Variants in MMP26 observed in about 807,000 individuals in gnomAD.
The protein encoded by MMP26 is matrix metalloproteinase-26.
In MMP26, 33 loss-of-function variants were observed where a neutral mutation model predicts 31.0. The observed-to-expected ratio is 1.06, with a 90% CI of 0.81 to 1.42. MMP26 has a LOEUF of 1.42. MMP26 is among the 40% of genes most tolerant of loss of function. The pLI, the probability that MMP26 is intolerant of heterozygous loss-of-function variation, is 0.00. For synonymous variants in MMP26, 122 were observed against 114.9 expected (o/e 1.06, Z -0.40); for missense variants, 347 against 316.1 (o/e 1.10, Z -0.74).
chr11:4,858,686 T>C (rs1251698127), intron 2 of MMP26, among the ~76,000 whole-genome samples: 2 of 152,222 alleles, frequency 1.3e-5, no homozygotes, highest in East Asian at 1.9e-4. Flanking sequence ...CCCATCAAGC[T>C]ACCAATGGCT....
rs1363498189 is a variant in MMP26 at position 4,954,062 on chromosome 11, T to A, written c.-144-34006T>A. On this transcript the variant is annotated intron_variant, in intron 2 of 7. Transcript: ENST00000380390. ...GAGCAAGATTTCGTCTCAAAAAAAA[T>A]TTCTTTATTGATTTAATTGTATTTC... is the stretch of plus-strand genomic sequence containing the variant. Among the ~76,000 whole-genome samples the A allele has an allele frequency of 6.3e-5, 8 of 126,076 alleles. 2 individuals are homozygous for A. The highest frequency in any genetic ancestry group is 1.6e-4 in the African/African-American group (6 of 37,118). 82.7% of individuals were successfully genotyped at this position (126,076 alleles called of 152,430 possible).
intron 1 of MMP26, chr11:4,756,558 A>C (rs563893076): frequency 6.6e-6 from 1 of 152,112 alleles, no homozygotes; most frequent in Non-Finnish European, 1.5e-5. Context: ...AGCCGGTTTT[A>C]CAAAAAAATT....
intron 2 of MMP26, chr11:4,822,437 T>C: frequency 7.2e-7 from 1 of 1,393,364 alleles, no homozygotes; most frequent in Non-Finnish European, 9.3e-7. Flanking sequence ...AATGGAGTAA[T>C]TGTCCCAAAG....
intron 2 of MMP26, among the ~76,000 whole-genome samples, chr11:4,806,335 C>T (rs562228163): frequency 3.3e-5 from 5 of 151,812 alleles, no homozygotes; most frequent in East Asian, 1.9e-4. Flanking sequence ...TAAAGTCTCC[C>T]GTTATTATTG....
intron 2 of MMP26, chr11:4,832,829 G>A (rs1274178882): frequency 5.7e-6 from 1 of 174,832 alleles, no homozygotes; most frequent in Non-Finnish European, 1.3e-5. Flanking sequence ...CATCCCATGG[G>A]GAGTGCCTCG....
Position 4,992,066 on chromosome 11 carries a change from A to G in MMP26, c.698A>G (p.His233Arg). Residue 233 changes from histidine (H) to arginine (R), a missense_variant, in exon 7 of 8, where the codon CAC becomes CGC. Coordinates refer to ENST00000380390, the MANE Select transcript of MMP26 (RefSeq NM_021801.5). Reference sequence around the variant, plus strand: ...ATAATGTACCCCACTTACTGGTATCACGACCCTAGAACCTTCCAGCTCAGT... The same window carrying G: ...ATAATGTACCCCACTTACTGGTATCGCGACCCTAGAACCTTCCAGCTCAGT... ...SSIMYPTYWY[H>R]DPRTFQLSAD... 1 of 1,613,964 alleles carries G rather than the reference A, an allele frequency of 6.2e-7. No homozygotes were observed. The highest frequency in any genetic ancestry group is 8.5e-7 in the Non-Finnish European group (1 of 1,179,984).
At chr11:4,862,705 C>G (rs1850179967) in intron 2 of MMP26, among the ~76,000 whole-genome samples, 1 of 152,072 alleles carries the variant, frequency 6.6e-6, no homozygotes, top group South Asian at 2.1e-4. Context: ...CCTCCTGTTT[C>G]TCTGCTATAG....
At chr11:4,802,832 A>G (rs1849201895) in intron 2 of MMP26, among the ~76,000 whole-genome samples, 1 of 152,082 alleles carries the variant, frequency 6.6e-6, no homozygotes, top group Admixed American at 6.6e-5. Flanking sequence ...TATCTTGCTT[A>G]TTTGTCAAAT....
At position 4,848,617 on chromosome 11, in the gene MMP26, G is replaced by C. The variant is rs747194046; in HGVS notation, c.-145+81276G>C. The C allele has an allele frequency of 6.2e-6, 10 of 1,609,200 alleles. No homozygotes were observed. In the South Asian group the frequency reaches 6.7e-5, roughly 11 times the overall value. On this transcript the variant is annotated intron_variant, in intron 2 of 7. Transcript: ENST00000380390. ...CTGTAGGCTGCACCCCAAGCTTCTG[G>C]GCAGGCCAAACGAGCCACATCTGGA... is the stretch of plus-strand genomic sequence containing the variant.
chr11:4,862,302 T>A (rs1225919735), intron 2 of MMP26, among the ~76,000 whole-genome samples: 1 of 152,160 alleles, frequency 6.6e-6, no homozygotes, highest in Admixed American at 6.5e-5. Flanking sequence ...AACTTCCTGA[T>A]GTAAAGGACT....
At chr11:4,756,262 G>A (rs1482343327) in intron 1 of MMP26, among the ~76,000 whole-genome samples, 2 of 151,828 alleles carry the variant, frequency 1.3e-5, no homozygotes, top group Non-Finnish European at 2.9e-5. Context: ...GAAAAAATAC[G>A]GTGCAAATAA....
chr11:4,990,399 A>T (rs1846980036), intron 4 of MMP26, among the ~76,000 whole-genome samples, 199 bp from the exon 5 acceptor site: 1 of 152,206 alleles, frequency 6.6e-6, no homozygotes, highest in East Asian at 1.9e-4. Flanking sequence ...TATTGTTAAA[A>T]TTCTTAGAAA....
intron 1 of MMP26, chr11:4,710,130 A>G (rs1259633387): frequency 2.2e-6 from 1 of 456,774 alleles, no homozygotes; most frequent in South Asian, 1.5e-5. Flanking sequence ...TGATGCGATG[A>G]AGCTCTCATG....
intron 1 of MMP26, among the ~76,000 whole-genome samples, chr11:4,748,831 A>C (rs1848413464): frequency 6.6e-6 from 1 of 152,116 alleles, no homozygotes; most frequent in Non-Finnish European, 1.5e-5. Context: ...ACCTGCAGCC[A>C]ACATCATATT....
chr11:4,972,315 A>T lies in MMP26; in HGVS notation c.-144-15753A>T, dbSNP rs546758695. 1.1e-4 allele frequency among the ~76,000 whole-genome samples: 17 copies of T among 152,348 alleles called. No homozygotes were observed. In the East Asian group the frequency reaches 3.3e-3, roughly 29 times the overall value. Reference sequence around the variant, plus strand: ...GGTAGAGGAGATAGTCTTTGTCATTAGGTAGAATTCCCATTGAAATGTCAA... The same window carrying T: ...GGTAGAGGAGATAGTCTTTGTCATTTGGTAGAATTCCCATTGAAATGTCAA... On this transcript the variant is annotated intron_variant, in intron 2 of 7. Coordinates refer to ENST00000380390, the MANE Select transcript of MMP26 (RefSeq NM_021801.5).
At chr11:4,941,882 G>A (rs1477442588) in intron 2 of MMP26, among the ~76,000 whole-genome samples, 4 of 151,156 alleles carry the variant, frequency 2.6e-5, no homozygotes, top group Non-Finnish European at 2.9e-5. Context: ...TCAGGAGATC[G>A]AGACCATCCT....
chr11:4,707,845 G>A (rs74052049), intron 1 of MMP26, among the ~76,000 whole-genome samples: 1,920 of 152,062 alleles, frequency 0.013, 37 homozygotes, highest in African/African-American at 0.042. Flanking sequence ...ATTTTTTCTG[G>A]CTCTGAGATC....
intron 5 of MMP26, 65 bp downstream of exon 5, chr11:4,990,811 C>G (rs935574703): frequency 1.8e-5 from 26 of 1,470,518 alleles, no homozygotes; most frequent in Non-Finnish European, 2.3e-5. Flanking sequence ...GGGTTTCCAT[C>G]CTTAAACAAA....
At chr11:4,830,049 C>A (rs7948040) in intron 2 of MMP26, 28,881 of 152,036 alleles carry the variant, frequency 0.19, 2,992 homozygotes, top group Middle Eastern at 0.27. Flanking sequence ...AAAATTAAAA[C>A]AAAAGTCATT....
Sources: gnomAD v4.1 joint callset for allele counts (sites outside exome capture counted in the v4.1 genomes callset) on GRCh38, gnomAD v4.1.1 for gene constraint, MANE v1.5 for transcripts, NCBI Gene and HGNC (gene_info 2026-07-23, HGNC 2026-07-21) for gene names.